Variants in CLIP2 observed in about 807,000 individuals in gnomAD.
CLIP2 encodes the protein CAP-Gly domain-containing linker protein 2.
CLIP2 carries 41 observed loss-of-function variants against 111.7 expected under a neutral mutation model. The ratio of observed to expected loss-of-function variants is 0.37; its 90% CI spans 0.29 to 0.48. The LOEUF (loss-of-function observed/expected upper bound fraction) is 0.48, where lower values mean the gene tolerates loss of function less well. CLIP2 is among the 20% of genes least tolerant of loss of function. CLIP2 has a pLI of 0.99. For synonymous variants in CLIP2, 660 were observed against 644.2 expected (o/e 1.02, Z -0.37); for missense variants, 1,160 against 1,422.1 (o/e 0.82, Z 2.96).
intron 10 of CLIP2, 92 bp from the exon 11 acceptor site, chr7:74,380,714 G>T (rs1256377735): frequency 2.2e-5 from 22 of 1,001,504 alleles, no homozygotes; most frequent in South Asian, 3.2e-5. Flanking sequence ...TAGGAGTAGG[G>T]TGTGCAAACT....
At chr7:74,351,760 T>G (rs1411999255) in intron 3 of CLIP2, among the ~76,000 whole-genome samples, 1 of 152,128 alleles carries the variant, frequency 6.6e-6, no homozygotes, top group Non-Finnish European at 1.5e-5. Flanking sequence ...CGCTTGAACC[T>G]GGGAGGCGGA....
Position 74,338,806 on chromosome 7 carries a change from C to T in CLIP2, c.480C>T (p.Ser160=), listed in dbSNP as rs142064745. 8.1e-6 allele frequency: 13 copies of T among 1,611,152 alleles called. No individual in the cohort carries two copies. Among genetic ancestry groups the T allele is most frequent in the African/African-American group, 4.0e-5 (3 of 74,924 alleles). ...AGGGCTCGGGGAGTGATGCCCACTC[C>T]GTGGAGTCGCTGACTGCCCAGAACC... The part of the protein sequence containing the change: ...TAEGSGSDAH[S]VESLTAQNLS... Residue 160 remains serine, a synonymous_variant, in exon 3 of 17, where the codon TCC becomes TCT. Coordinates refer to ENST00000223398, the MANE Select transcript of CLIP2 (RefSeq NM_003388.5). This position sits in a 1 kb window ranked among gnomAD's most constrained non-coding sequence, Gnocchi z 4.3.
chr7:74,327,495 C>T (rs1789147823), intron 2 of CLIP2, among the ~76,000 whole-genome samples: 1 of 152,124 alleles, frequency 6.6e-6, no homozygotes, highest in Non-Finnish European at 1.5e-5. Flanking sequence ...GAGGTGGGGC[C>T]CCCACCCCCA....
In CLIP2 at chr7:74,403,906, G is replaced by A. The variant is rs985256235; in HGVS notation, c.*58G>A. ...ACACCAGAGCCCCACGCGGCTGCCCGGCAGTACCTCCTCCAGGCAGGAGCC... is the reference window on the plus strand; with the variant it reads ...ACACCAGAGCCCCACGCGGCTGCCCAGCAGTACCTCCTCCAGGCAGGAGCC... On this transcript the variant is annotated 3_prime_UTR_variant, in exon 17 of 17. Coordinates refer to ENST00000223398, the MANE Select transcript of CLIP2 (RefSeq NM_003388.5). The A allele has an allele frequency of 2.1e-5, 34 of 1,585,632 alleles. No individual in the cohort carries two copies. The highest frequency in any genetic ancestry group is 8.9e-5 in the East Asian group (4 of 44,752).
chr7:74,358,264 T>C (rs1005456376), intron 6 of CLIP2, among the ~76,000 whole-genome samples: 16 of 151,872 alleles, frequency 1.1e-4, no homozygotes, highest in Non-Finnish European at 1.9e-4. Context: ...TTGGTCAGGC[T>C]GGCCTGGAAT....
Position 74,356,596 on chromosome 7 carries a change from G to A in CLIP2, c.990G>A (p.Val330=), listed in dbSNP as rs373079360. 20 of 1,613,900 alleles carry A rather than the reference G, an allele frequency of 1.2e-5. No homozygotes were observed. The highest frequency in any genetic ancestry group is 1.2e-4 in the African/African-American group (9 of 75,030). Residue 330 remains valine, a synonymous_variant, in exon 5 of 17, where the codon GTG becomes GTA. Coordinates refer to ENST00000223398, the MANE Select transcript of CLIP2 (RefSeq NM_003388.5). Reference sequence around the variant, plus strand: ...CCGTCAGCTCTGTGGCCTCCTCCGTGGGGGGTCGGCCCAGCCGCAGTGGCC... The same window carrying A: ...CCGTCAGCTCTGTGGCCTCCTCCGTAGGGGGTCGGCCCAGCCGCAGTGGCC... ...ISSVSSVASS[V]GGRPSRSGLL... is the part of the protein sequence containing the mutation.
At chr7:74,342,646 G>C (rs557891853) in intron 3 of CLIP2, among the ~76,000 whole-genome samples, 1 of 152,246 alleles carries the variant, frequency 6.6e-6, no homozygotes, top group African/African-American at 2.4e-5. Flanking sequence ...GTGTGCGGTG[G>C]CTCACACCTG....
chr7:74,318,984 G>A (rs1347710988), intron 2 of CLIP2, among the ~76,000 whole-genome samples: 3 of 152,170 alleles, frequency 2.0e-5, no homozygotes, highest in East Asian at 1.9e-4. Context: ...AATGGGCAGC[G>A]TGAAAGGGCG....
intron 3 of CLIP2, among the ~76,000 whole-genome samples, chr7:74,344,019 G>A (rs1405354890): frequency 6.6e-6 from 1 of 152,220 alleles, no homozygotes; most frequent in Non-Finnish European, 1.5e-5. Context: ...GCATGGGCCT[G>A]TGACCCTGTT....
At chr7:74,306,084 A>C (rs1435346606) in intron 1 of CLIP2, among the ~76,000 whole-genome samples, 1 of 151,868 alleles carries the variant, frequency 6.6e-6, no homozygotes, top group African/African-American at 2.4e-5. Flanking sequence ...TGTTGGGTGG[A>C]CCTGGCAGAG....
rs374469697 is a variant in CLIP2 at position 74,376,072 on chromosome 7, G to A, written c.1671G>A (p.Gln557=). ...ERLLSASKEH[Q]RESGVLRDKY... ...TGCTCTCGGCCAGCAAGGAACACCA[G>A]AGGGAGAGTGGGGTGCTGCGGGATA... is the stretch of plus-strand genomic sequence containing the variant. The change falls in exon 10 of 17, where the codon CAG becomes CAA. Residue 557 remains glutamine, a synonymous_variant. Transcript: ENST00000223398. The surrounding 1 kb of genome is among the most constrained non-coding windows in gnomAD (Gnocchi z 7.1). 6 of 1,612,828 alleles carry A rather than the reference G, an allele frequency of 3.7e-6. No individual in the cohort carries two copies. Among genetic ancestry groups the A allele is most frequent in the Non-Finnish European group, 5.1e-6 (6 of 1,179,896 alleles).
chr7:74,345,649 CAACATGGGGA>C (rs1456935280), intron 3 of CLIP2, among the ~76,000 whole-genome samples: 1 of 151,744 alleles, frequency 6.6e-6, no homozygotes, highest in Non-Finnish European at 1.5e-5. Flanking sequence ...CCAACCTGGC[CAACATGGGGA>C]AACATGGGGA....
intron 8 of CLIP2, chr7:74,364,992 GTTGTGT>G (rs1387551681): frequency 3.9e-5 from 12 of 307,686 alleles, no homozygotes; most frequent in African/African-American, 1.8e-4. Flanking sequence ...CCTGTTTTTT[GTTGTGT>G]GTGTGTGTGT....
chr7:74,361,876 G>A (rs574635864), intron 7 of CLIP2, among the ~76,000 whole-genome samples: 11 of 152,120 alleles, frequency 7.2e-5, no homozygotes, highest in South Asian at 2.1e-4. Context: ...CGAGGCAGGC[G>A]GATCACCTGA....
At chr7:74,340,403 C>CAAT (rs1170274062) in intron 3 of CLIP2, among the ~76,000 whole-genome samples, 1 of 152,020 alleles carries the variant, frequency 6.6e-6, no homozygotes, top group African/African-American at 2.4e-5. Context: ...CTCAAAAAAG[C>CAAT]AATAATAATA....
intron 10 of CLIP2, among the ~76,000 whole-genome samples, chr7:74,378,576 CA>C (rs1472895158): frequency 6.6e-6 from 1 of 152,060 alleles, no homozygotes; most frequent in Non-Finnish European, 1.5e-5. Flanking sequence ...CCCATCTCTA[CA>C]AAAATAAAAA....
chr7:74,323,308 G>A (rs981824763), intron 2 of CLIP2, among the ~76,000 whole-genome samples: 10 of 151,696 alleles, frequency 6.6e-5, no homozygotes, highest in Non-Finnish European at 1.5e-4. Flanking sequence ...ACGGAGTCTT[G>A]CATTTGTTGT....
chr7:74,303,775 G>T (rs1788403056), intron 1 of CLIP2, among the ~76,000 whole-genome samples: 1 of 151,666 alleles, frequency 6.6e-6, no homozygotes, highest in Admixed American at 6.6e-5. Flanking sequence ...AGCCAGTTGT[G>T]GTGGTGCACT....
chr7:74,327,788 G>A (rs957254617), intron 2 of CLIP2, among the ~76,000 whole-genome samples: 1 of 152,184 alleles, frequency 6.6e-6, no homozygotes, highest in Non-Finnish European at 1.5e-5. Flanking sequence ...GACGGGGCGG[G>A]GGTCCGGCTG....
Sources: allele counts gnomAD v4.1 joint callset (sites outside exome capture counted in the v4.1 genomes callset), GRCh38; gene constraint gnomAD v4.1.1; non-coding constraint Gnocchi (gnomAD v3.1); transcripts MANE v1.5; gene names NCBI Gene and HGNC (gene_info 2026-07-23, HGNC 2026-07-21).